Variants in HYCC1 observed in about 807,000 individuals in gnomAD.
The protein encoded by HYCC1 is hyccin.
the HYCC1 span, among the ~76,000 whole-genome samples, chr7:22,924,083 G>A: frequency 1.2e-4 from 18 of 151,070 alleles, no homozygotes; most frequent in Non-Finnish European, 2.7e-4. Context: ...AGAAGCTGAG[G>A]TGTGAGAATT....
At chr7:23,007,025 T>C in the HYCC1 span, among the ~76,000 whole-genome samples, 1 of 152,302 alleles carries the variant, frequency 6.6e-6, no homozygotes, top group Non-Finnish European at 1.5e-5. Flanking sequence ...TAAATTATAT[T>C]AAGTGCATTA....
At chr7:23,012,445 C>A in the HYCC1 span, among the ~76,000 whole-genome samples, 2 of 152,280 alleles carry the variant, frequency 1.3e-5, no homozygotes, top group South Asian at 4.1e-4. Context: ...CTTCTAATCC[C>A]TCATGGTAAT....
the HYCC1 span, among the ~76,000 whole-genome samples, chr7:22,922,708 A>G: frequency 2.6e-5 from 4 of 152,238 alleles, no homozygotes; most frequent in Admixed American, 2.0e-4. Flanking sequence ...TGTTGACAGT[A>G]AAAGTATGGG....
At chr7:22,928,303 C>T in the HYCC1 span, among the ~76,000 whole-genome samples, 23 of 152,166 alleles carry the variant, frequency 1.5e-4, no homozygotes, top group Non-Finnish European at 2.9e-4. Context: ...TCTCACCACT[C>T]CTATTCAACA....
the HYCC1 span, chr7:22,945,768 G>A: frequency 6.2e-7 from 1 of 1,613,722 alleles, no homozygotes; most frequent in Non-Finnish European, 8.5e-7. Flanking sequence ...GGGTTATGTG[G>A]GACTGTGACA....
chr7:23,009,762 G>C, the HYCC1 span, among the ~76,000 whole-genome samples: 59 of 152,270 alleles, frequency 3.9e-4, no homozygotes, highest in East Asian at 0.011. Context: ...TCATTTAGGA[G>C]ACAGAGGAAT....
the HYCC1 span, among the ~76,000 whole-genome samples, chr7:22,931,684 T>C: frequency 7.0e-6 from 1 of 143,322 alleles, no homozygotes; most frequent in Non-Finnish European, 1.6e-5. Context: ...TCATCATGAT[T>C]AGACTGATGG....
chr7:22,898,575 ATTTCTTTTCTTTTCT>A, the HYCC1 span, among the ~76,000 whole-genome samples: 28,045 of 131,950 alleles, frequency 0.21, 2,964 homozygotes, highest in East Asian at 0.36. Flanking sequence ...TGGTCCAAAT[ATTTCTTTTCTTTTCT>A]TTTCTTTTCT....
chr7:22,895,855 G>GT, the HYCC1 span, among the ~76,000 whole-genome samples: 1 of 152,218 alleles, frequency 6.6e-6, no homozygotes, highest in African/African-American at 2.4e-5. Flanking sequence ...CTGTGAAGCT[G>GT]TTTTTATTAT....
the HYCC1 span, among the ~76,000 whole-genome samples, chr7:22,951,557 T>C: frequency 1.5e-5 from 2 of 133,360 alleles, no homozygotes; most frequent in East Asian, 2.4e-4. Flanking sequence ...GAGATGTAGA[T>C]ATTTTAAATG....
the HYCC1 span, chr7:22,945,951 T>C: frequency 1.9e-6 from 3 of 1,613,870 alleles, no homozygotes; most frequent in Non-Finnish European, 2.5e-6. Flanking sequence ...AAGTGATCTT[T>C]GCAAGATTCC....
At chr7:22,927,331 T>A in the HYCC1 span, among the ~76,000 whole-genome samples, 1 of 151,392 alleles carries the variant, frequency 6.6e-6, no homozygotes, top group African/African-American at 2.4e-5. Context: ...ATAACTAAGA[T>A]CAGAGCAGAA....
chr7:22,989,931 A>G, the HYCC1 span, among the ~76,000 whole-genome samples: 1 of 152,236 alleles, frequency 6.6e-6, no homozygotes, highest in Non-Finnish European at 1.5e-5. Flanking sequence ...TTACTTACTA[A>G]GATGACTTGT....
chr7:22,926,060 G>A, the HYCC1 span, among the ~76,000 whole-genome samples: 1 of 152,136 alleles, frequency 6.6e-6, no homozygotes, highest in African/African-American at 2.4e-5. Context: ...TTTCAACCCA[G>A]AATTTCATAT....
At chr7:22,919,420 T>C in the HYCC1 span, among the ~76,000 whole-genome samples, 2 of 151,870 alleles carry the variant, frequency 1.3e-5, no homozygotes, top group African/African-American at 4.8e-5. Context: ...TCCCAACTTC[T>C]CAGAAGGCTG....
the HYCC1 span, among the ~76,000 whole-genome samples, chr7:23,006,508 C>G: frequency 2.2e-4 from 34 of 152,230 alleles, no homozygotes; most frequent in African/African-American, 7.9e-4. Context: ...ACCTCGTGAT[C>G]CACCCACCTC....
the HYCC1 span, among the ~76,000 whole-genome samples, chr7:22,956,718 ACT>A: frequency 1.3e-5 from 2 of 151,778 alleles, no homozygotes; most frequent in East Asian, 3.9e-4. Context: ...GTATTTAAGA[ACT>A]CTCTTATTTT....
chr7:22,996,499 T>C, the HYCC1 span, among the ~76,000 whole-genome samples: 5 of 149,492 alleles, frequency 3.3e-5, no homozygotes, highest in East Asian at 7.8e-4. Context: ...AGTACTATTG[T>C]AGGATAAGTA....
the HYCC1 span, among the ~76,000 whole-genome samples, chr7:23,003,643 G>A: frequency 2.6e-5 from 4 of 152,128 alleles, no homozygotes; most frequent in Admixed American, 2.6e-4. Flanking sequence ...CAATGTTGGG[G>A]ACAAAGAAAG....
Sources: gnomAD v4.1 joint callset for allele counts (sites outside exome capture counted in the v4.1 genomes callset) on GRCh38, gnomAD v4.1.1 for gene constraint, MANE v1.5 for transcripts, NCBI Gene and HGNC (gene_info 2026-07-23, HGNC 2026-07-21) for gene names.